HS2ST1: variants seen among roughly 807,000 people sequenced by gnomAD.
HS2ST1 encodes the protein heparan sulfate 2-O-sulfotransferase 1.
In HS2ST1, 18 loss-of-function variants were observed where a neutral mutation model predicts 42.9. That is an observed-to-expected ratio of 0.42 (90% CI 0.29 to 0.62). HS2ST1 has a LOEUF of 0.62. Ranked by LOEUF, HS2ST1 falls within the 20% of genes least tolerant of loss-of-function variation. HS2ST1 has a pLI of 0.21. For missense variants in HS2ST1, 334 were observed against 433.8 expected (o/e 0.77, Z 2.04); for synonymous variants, 146 against 152.9 (o/e 0.95, Z 0.33).
intron 1 of HS2ST1, among the ~76,000 whole-genome samples, chr1:87,057,977 C>T (rs779555827): frequency 1.3e-5 from 2 of 151,730 alleles, no homozygotes; most frequent in Non-Finnish European, 2.9e-5. Flanking sequence ...CTTCCTCCCA[C>T]CCAGTTGTTA....
At chr1:87,077,741 A>G (rs1256530666) in intron 2 of HS2ST1, among the ~76,000 whole-genome samples, 1 of 152,220 alleles carries the variant, frequency 6.6e-6, no homozygotes, top group African/African-American at 2.4e-5. Context: ...TTTTTGTTAA[A>G]TAAATGATGA....
chr1:86,935,993 A>T (rs967769688), intron 1 of HS2ST1, among the ~76,000 whole-genome samples: 1 of 152,170 alleles, frequency 6.6e-6, no homozygotes, highest in Non-Finnish European at 1.5e-5. Context: ...TAATTAAACT[A>T]TAGACCTTAT....
chr1:86,974,753 A>AC (rs530428891), intron 1 of HS2ST1, among the ~76,000 whole-genome samples: 186 of 152,248 alleles, frequency 1.2e-3, no homozygotes, highest in African/African-American at 4.1e-3. Flanking sequence ...ACACATTAAG[A>AC]CCCACTGGTG....
chr1:87,067,679 T>C (rs1274869490), intron 1 of HS2ST1, among the ~76,000 whole-genome samples: 5 of 152,228 alleles, frequency 3.3e-5, no homozygotes, highest in Non-Finnish European at 7.3e-5. Context: ...CTAGGTTTTC[T>C]TGTAGGGTTT....
chr1:87,096,192 C>T (rs1429392025), intron 4 of HS2ST1, among the ~76,000 whole-genome samples: 1 of 152,120 alleles, frequency 6.6e-6, no homozygotes, highest in African/African-American at 2.4e-5. Context: ...TAAAACTTGA[C>T]AAGTGGTAGT....
intron 1 of HS2ST1, among the ~76,000 whole-genome samples, chr1:86,915,935 T>C (rs1293826223): frequency 3.3e-5 from 5 of 152,196 alleles, no homozygotes; most frequent in African/African-American, 9.6e-5. Context: ...AGGGGAATTA[T>C]GTAGTGAAGT....
chr1:87,015,432 C>CT (rs1649725334), intron 1 of HS2ST1, among the ~76,000 whole-genome samples: 1 of 149,666 alleles, frequency 6.7e-6, no homozygotes, highest in Admixed American at 6.8e-5. Context: ...ACTGCAAGCT[C>CT]TGCTTCCCAG....
Position 87,070,064 on chromosome 1 carries a change from CT to C in HS2ST1, c.125-2861del, listed in dbSNP as rs201639096. 2.0e-5 allele frequency among the ~76,000 whole-genome samples: 3 copies of C among 151,420 alleles called. No homozygotes were observed. In the South Asian group the frequency reaches 6.3e-4, roughly 32 times the overall value. ...TCAGCATTGTTGATTGTAAGTGAAT[CT>C]TTTTTTTTCTTTAGCGCAAACTCCT... is the stretch of plus-strand genomic sequence containing the variant. On this transcript the variant is annotated intron_variant, in intron 1 of 6. Transcript: ENST00000370550.
chr1:87,101,146 T>A (rs1652187627), intron 5 of HS2ST1, among the ~76,000 whole-genome samples: 1 of 106,844 alleles, frequency 9.4e-6, no homozygotes, highest in Admixed American at 9.8e-5. Flanking sequence ...TGTGTGTGTG[T>A]GTGTTTTTTG....
chr1:87,044,190 C>T (rs984904519), intron 1 of HS2ST1, among the ~76,000 whole-genome samples: 3 of 151,920 alleles, frequency 2.0e-5, no homozygotes, highest in Non-Finnish European at 4.4e-5. Context: ...GTAACAGTAC[C>T]GACATTTTTG....
rs1400998833 is a variant in HS2ST1, at chr1:87,057,581, T to A, written c.125-15353T>A. Among the ~76,000 whole-genome samples, 4 of 150,586 alleles carry A rather than the reference T, an allele frequency of 2.7e-5. No individual in the cohort carries two copies. The East Asian group carries it at 7.8e-4, about 29-fold the overall frequency. On this transcript the variant is annotated intron_variant, in intron 1 of 6. Coordinates refer to ENST00000370550, the MANE Select transcript of HS2ST1 (RefSeq NM_012262.4). The stretch of plus-strand genomic sequence containing the variant: ...CAGAAGGCACTTTTTTTTTTTTTTT[T>A]AAAGACAAAGTCTCACTCCCAGCAC...
chr1:87,042,878 T>C (rs1650556782), intron 1 of HS2ST1, among the ~76,000 whole-genome samples: 1 of 152,162 alleles, frequency 6.6e-6, no homozygotes, highest in Non-Finnish European at 1.5e-5. Flanking sequence ...TTTCTGACTT[T>C]TTGTTTACGA....
intron 1 of HS2ST1, among the ~76,000 whole-genome samples, chr1:87,009,799 C>A (rs993087322): frequency 2.0e-5 from 3 of 151,984 alleles, no homozygotes; most frequent in African/African-American, 4.8e-5. Flanking sequence ...CTTTGGGAGG[C>A]CGAGGCGGGT....
chr1:86,973,704 G>GTACA (rs957189146), intron 1 of HS2ST1, among the ~76,000 whole-genome samples: 86 of 152,186 alleles, frequency 5.7e-4, no homozygotes, highest in African/African-American at 2.0e-3. Context: ...ACCTTATAGT[G>GTACA]TACATTTGAA....
chr1:86,954,274 G>A (rs752926766), intron 1 of HS2ST1, among the ~76,000 whole-genome samples: 2 of 151,832 alleles, frequency 1.3e-5, no homozygotes, highest in East Asian at 1.9e-4. Context: ...ACTTGAACCC[G>A]GGAGGCAGAG....
At chr1:86,992,977 T>C in intron 1 of HS2ST1, 2 of 1,239,278 alleles carry the variant, frequency 1.6e-6, no homozygotes, top group Non-Finnish European at 2.2e-6. Flanking sequence ...ACATTCTTCT[T>C]GGCGTCTGTG....
At position 87,066,691 on chromosome 1, in the gene HS2ST1, A is replaced by C. The variant is rs1354201175; in HGVS notation, c.125-6243A>C. Among the ~76,000 whole-genome samples, 3 of 151,980 alleles carry C rather than the reference A, an allele frequency of 2.0e-5. No individual in the cohort carries two copies. The East Asian group carries it at 5.8e-4, about 29-fold the overall frequency. ...CTGCACCCATCAACCCATCATCTGC[A>C]TTAGGTATTTCTCTTAATGCTATCC... is the stretch of plus-strand genomic sequence containing the variant. On this transcript the variant is annotated intron_variant, in intron 1 of 6. Transcript: ENST00000370550.
intron 1 of HS2ST1, among the ~76,000 whole-genome samples, chr1:86,963,093 G>T (rs1647899193): frequency 6.6e-6 from 1 of 151,758 alleles, no homozygotes; most frequent in Non-Finnish European, 1.5e-5. Context: ...TCCTGAGAAA[G>T]TTCGAATTTT....
intron 1 of HS2ST1, among the ~76,000 whole-genome samples, chr1:87,042,725 A>C (rs897291617): frequency 6.6e-5 from 10 of 152,132 alleles, no homozygotes; most frequent in African/African-American, 2.4e-4. Flanking sequence ...GAATATCAAG[A>C]TGATAAATTA....
Sources: allele counts gnomAD v4.1 joint callset (sites outside exome capture counted in the v4.1 genomes callset), GRCh38; gene constraint gnomAD v4.1.1; transcripts MANE v1.5; gene names NCBI Gene and HGNC (gene_info 2026-07-23, HGNC 2026-07-21).